GPRC5B: variants seen among roughly 807,000 people sequenced by gnomAD.
GPRC5B encodes G protein-coupled receptor family C group 5 member B.
A neutral mutation model predicts 30.1 loss-of-function variants in GPRC5B; 16 were observed. The observed-to-expected ratio is 0.53, with a 90% CI of 0.36 to 0.81. GPRC5B has a LOEUF of 0.81. Ranked by LOEUF, GPRC5B falls within the 30% of genes least tolerant of loss-of-function variation. The probability of loss-of-function intolerance (pLI) is 0.01; values close to 1 mark genes in which losing one functional copy is unlikely to be tolerated. For missense variants in GPRC5B, 428 were observed against 544.7 expected (o/e 0.79, Z 2.13); for synonymous variants, 241 against 239.5 (o/e 1.01, Z -0.06).
chr16:19,870,182 G>A (rs1441740150), intron 2 of GPRC5B, among the ~76,000 whole-genome samples: 3 of 152,188 alleles, frequency 2.0e-5, no homozygotes, highest in Non-Finnish European at 2.9e-5. Flanking sequence ...TTCAGCATAT[G>A]TCCTCAGAGG....
At chr16:19,883,275 T>C (rs2056821147) in intron 1 of GPRC5B, among the ~76,000 whole-genome samples, 1 of 152,042 alleles carries the variant, frequency 6.6e-6, no homozygotes, top group Admixed American at 6.5e-5. Context: ...TGCCCCCAAA[T>C]GGCGGCTCCT....
chr16:19,861,105 G>GAAAAAAAAAAAAAAAA (rs2056619599), intron 3 of GPRC5B, among the ~76,000 whole-genome samples: 1 of 62,822 alleles, frequency 1.6e-5, no homozygotes, highest in African/African-American at 8.0e-5. Context: ...AAAAAAAAAA[G>GAAAAAAAAAAAAAAAA]AAGAATGCTC....
At chr16:19,874,355 C>G (rs1343461274) in intron 1 of GPRC5B, among the ~76,000 whole-genome samples, 2 of 152,188 alleles carry the variant, frequency 1.3e-5, no homozygotes, top group African/African-American at 4.8e-5. Flanking sequence ...GCCATCAACT[C>G]AGACTTGGCC....
chr16:19,883,793 A>C (rs973251897), intron 1 of GPRC5B, among the ~76,000 whole-genome samples: 8 of 152,240 alleles, frequency 5.3e-5, no homozygotes, highest in African/African-American at 1.9e-4. Context: ...GTGACAGAGC[A>C]AGGACGGAGG....
chr16:19,861,050 A>G (rs1597621963), intron 3 of GPRC5B, among the ~76,000 whole-genome samples: 2 of 146,738 alleles, frequency 1.4e-5, no homozygotes, highest in South Asian at 4.5e-4. Context: ...GAAAACCTAA[A>G]TTCCCTCTAG....
chr16:19,884,830 G>A lies in GPRC5B; in HGVS notation c.-105C>T, dbSNP rs2056838332. ...CCCGCTCCACGCACGCCCGCCTGCG[G>A]GTCCAGCTTCACTGCAGCGCCTGCC... is the stretch of plus-strand genomic sequence containing the variant. On this transcript the variant is annotated 5_prime_UTR_variant, in exon 1 of 4. Transcript: ENST00000300571. 1.0e-6 allele frequency: 1 copy of A among 983,746 alleles called. No homozygotes were observed. Among genetic ancestry groups the A allele is most frequent in the African/African-American group, 1.8e-5 (1 of 57,044 alleles). 60.9% of individuals were successfully genotyped at this position (983,746 alleles called of 1,614,324 possible). A position where few individuals can be genotyped will look rare whatever the true frequency, so the allele number is the denominator to read the frequency against.
At chr16:19,875,147 T>G (rs1032024397) in intron 1 of GPRC5B, among the ~76,000 whole-genome samples, 10 of 152,148 alleles carry the variant, frequency 6.6e-5, no homozygotes, top group Non-Finnish European at 1.2e-4. Flanking sequence ...TGGCATAAAT[T>G]ATTGATGTTA....
intron 1 of GPRC5B, among the ~76,000 whole-genome samples, chr16:19,883,621 C>T (rs947416300): frequency 3.3e-4 from 50 of 152,220 alleles, no homozygotes; most frequent in Admixed American, 2.6e-4. Context: ...TGTTCAGGTG[C>T]CCCCCGGCCT....
chr16:19,884,896 G>A (rs866945265), upstream of GPRC5B: 4 of 972,344 alleles, frequency 4.1e-6, no homozygotes, highest in Non-Finnish European at 4.9e-6. Flanking sequence ...CCCGGCCCGC[G>A]CTGCTGCAGC....
At chr16:19,861,087 T>TAAAAAAAAA (rs3067833) in intron 3 of GPRC5B, among the ~76,000 whole-genome samples, 4,975 of 92,856 alleles carry the variant, frequency 0.054, 458 homozygotes, top group African/African-American at 0.16. Context: ...CTGATTTACA[T>TAAAAAAAAA]AAAAAAAAAA....
chr16:19,885,209 A>G, upstream of GPRC5B: 1 of 1,288,412 alleles, frequency 7.8e-7, no homozygotes, highest in South Asian at 1.2e-5. The surrounding 1 kb of genome is among the most constrained non-coding windows in gnomAD (Gnocchi z 5.3). Flanking sequence ...TTACCGAGGG[A>G]GGTATCGCGA....
intron 3 of GPRC5B, among the ~76,000 whole-genome samples, chr16:19,861,394 C>T (rs1010750377): frequency 2.0e-5 from 3 of 152,198 alleles, no homozygotes; most frequent in Non-Finnish European, 4.4e-5. Context: ...GCTTCAATTT[C>T]TTAAGACATC....
intron 1 of GPRC5B, among the ~76,000 whole-genome samples, chr16:19,879,140 C>T (rs2056783285): frequency 6.6e-6 from 1 of 152,108 alleles, no homozygotes. Context: ...GTGCCTCCCA[C>T]CCCCGAGAGC....
chr16:19,885,124 C>A, upstream of GPRC5B: 1 of 1,035,940 alleles, frequency 9.7e-7, no homozygotes, highest in Non-Finnish European at 1.3e-6. This position sits in a 1 kb window ranked among gnomAD's most constrained non-coding sequence, Gnocchi z 5.3. Flanking sequence ...TCAGTGCGCC[C>A]GTAAGCAGTC....
intron 1 of GPRC5B, among the ~76,000 whole-genome samples, chr16:19,877,701 A>C (rs1634668): frequency 0.15 from 23,302 of 152,252 alleles, 2,023 homozygotes; most frequent in Non-Finnish European, 0.19. Context: ...CTATAAGGTA[A>C]GTACTATTAC....
At chr16:19,877,625 A>T (rs2056768434) in intron 1 of GPRC5B, among the ~76,000 whole-genome samples, 1 of 152,164 alleles carries the variant, frequency 6.6e-6, no homozygotes, top group South Asian at 2.1e-4. Flanking sequence ...TAACCCTTAC[A>T]GTGCTATGTT....
At chr16:19,869,869 C>T (rs1031066832) in intron 2 of GPRC5B, among the ~76,000 whole-genome samples, 2 of 152,028 alleles carry the variant, frequency 1.3e-5, no homozygotes, top group Admixed American at 1.3e-4. Flanking sequence ...CTCAGGAATT[C>T]GAGACCACCC....
Position 19,858,866 on chromosome 16 carries a change from A to C in GPRC5B, c.*1634T>G, listed in dbSNP as rs1426907722. On this transcript the variant is annotated 3_prime_UTR_variant, in exon 4 of 4. Transcript: ENST00000300571. ...ACACAAGGAAATGTACTAACTGTTA[A>C]GGAAAACTCGAAGGCGGGTCACACA... is the stretch of plus-strand genomic sequence containing the variant. 3.8e-6 allele frequency: 1 copy of C among 261,218 alleles called. No homozygotes were observed. The highest frequency in any genetic ancestry group is 7.2e-6 in the Non-Finnish European group (1 of 139,632). 16.2% of individuals were successfully genotyped at this position (261,218 alleles called of 1,614,324 possible). A position where few individuals can be genotyped will look rare whatever the true frequency, so the allele number is the denominator to read the frequency against.
chr16:19,882,138 A>T (rs994734432), intron 1 of GPRC5B: 1 of 152,210 alleles, frequency 6.6e-6, no homozygotes. Context: ...TCACCCTCTG[A>T]TATCTTTTCC....
Sources: gnomAD v4.1 joint callset for allele counts (sites outside exome capture counted in the v4.1 genomes callset) on GRCh38, gnomAD v4.1.1 for gene constraint, Gnocchi (gnomAD v3.1) non-coding constraint, MANE v1.5 for transcripts, NCBI Gene and HGNC (gene_info 2026-07-23, HGNC 2026-07-21) for gene names.